The following STRBP variants were observed in gnomAD, a reference collection of about 807,000 sequenced individuals.
STRBP encodes spermatid perinuclear RNA binding protein.
In STRBP, 13 loss-of-function variants were observed where a neutral mutation model predicts 80.1. That is an observed-to-expected ratio of 0.16 (90% CI 0.11 to 0.26). STRBP has a LOEUF of 0.26. Among genes scored for constraint, STRBP ranks in the 10% least tolerant of loss-of-function variants. The probability of loss-of-function intolerance (pLI) is 1.00; values close to 1 mark genes in which losing one functional copy is unlikely to be tolerated. For synonymous variants in STRBP, 284 were observed against 291.2 expected (o/e 0.98, Z 0.25); for missense variants, 485 against 815.2 (o/e 0.59, Z 4.93).
At chr9:123,180,210 A>G (rs778672884) in intron 3 of STRBP, among the ~76,000 whole-genome samples, 3 of 152,190 alleles carry the variant, frequency 2.0e-5, no homozygotes, top group Non-Finnish European at 4.4e-5. Context: ...AGCTACCACT[A>G]TGTCACTGCA....
intron 2 of STRBP, among the ~76,000 whole-genome samples, chr9:123,219,596 T>C (rs761912363): frequency 5.3e-5 from 8 of 152,342 alleles, no homozygotes; most frequent in Non-Finnish European, 1.0e-4. Context: ...GTTATACATA[T>C]AAGAGAAGCT....
Position 123,125,280 on chromosome 9 carries a change from T to G in STRBP, c.*317A>C. The G allele has an allele frequency of 9.6e-7, 1 of 1,036,718 alleles. No individual in the cohort carries two copies. The highest frequency in any genetic ancestry group is 4.2e-5 in the South Asian group (1 of 23,802). The allele number at this position is 1,036,718 out of a possible 1,614,324, so 64.2% of individuals were successfully genotyped here. On this transcript the variant is annotated 3_prime_UTR_variant, in exon 19 of 19. Coordinates refer to ENST00000348403, the MANE Select transcript of STRBP (RefSeq NM_018387.5). ...AGACTCTATACATCCTTCACAAATT[T>G]AATTTTACATAATCTGATACGTCTC...
intron 2 of STRBP, among the ~76,000 whole-genome samples, chr9:123,201,382 T>A (rs998340459): frequency 6.6e-6 from 1 of 152,226 alleles, no homozygotes; most frequent in African/African-American, 2.4e-5. Context: ...TTTTGCTGTA[T>A]CCCAAAGGTT....
At chr9:123,218,042 C>A (rs2039952366) in intron 2 of STRBP, among the ~76,000 whole-genome samples, 1 of 152,170 alleles carries the variant, frequency 6.6e-6, no homozygotes, top group Non-Finnish European at 1.5e-5. Flanking sequence ...TCAAATTAAA[C>A]AATGCCCATA....
chr9:123,254,057 G>GA (rs139900116), intron 1 of STRBP, among the ~76,000 whole-genome samples: 60,060 of 151,866 alleles, frequency 0.4, 14,562 homozygotes, highest in South Asian at 0.55. Flanking sequence ...GAACGAGGGG[G>GA]AAAAAATCTT....
intron 1 of STRBP, among the ~76,000 whole-genome samples, chr9:123,266,853 C>A (rs2041277851): frequency 1.3e-5 from 2 of 151,894 alleles, no homozygotes; most frequent in South Asian, 4.2e-4. Context: ...AGCCTGTCTA[C>A]CTTCCTTCTT....
chr9:123,196,451 G>T (rs1429590343), intron 2 of STRBP, among the ~76,000 whole-genome samples: 2 of 151,892 alleles, frequency 1.3e-5, no homozygotes, highest in African/African-American at 4.8e-5. Context: ...AAGAATGGAA[G>T]AAAATAGTTC....
intron 2 of STRBP, among the ~76,000 whole-genome samples, chr9:123,222,676 A>G (rs2040104519): frequency 1.3e-5 from 2 of 152,232 alleles, no homozygotes; most frequent in African/African-American, 4.8e-5. Flanking sequence ...ACTCTTCCGA[A>G]GGTCACAGTA....
intron 1 of STRBP, among the ~76,000 whole-genome samples, chr9:123,239,815 T>C (rs796438845): frequency 1.3e-5 from 2 of 152,350 alleles, no homozygotes; most frequent in African/African-American, 4.8e-5. Context: ...AATGAGTATC[T>C]GCAAACTAGC....
chr9:123,263,524 CAAAA>C (rs775297049), intron 1 of STRBP, among the ~76,000 whole-genome samples: 5 of 64,220 alleles, frequency 7.8e-5, no homozygotes, highest in Non-Finnish European at 1.7e-4. Flanking sequence ...GACCCTGTCT[CAAAA>C]AAAAAAAAAA....
chr9:123,157,971 A>C, intron 11 of STRBP, 41 bp downstream of exon 11: 1 of 1,380,386 alleles, frequency 7.2e-7, no homozygotes, highest in East Asian at 2.3e-5. Flanking sequence ...TATCTCTACC[A>C]GTGCCAACCC....
At position 123,123,641 on chromosome 9, in the gene STRBP, A is replaced by T. The variant is rs566782424; in HGVS notation, c.*1956T>A. ...TTACAGAGCGCGTGAGTTATGAAGC[A>T]GAGTCAGCTACTTCAAAAGAATTTT... On this transcript the variant is annotated 3_prime_UTR_variant, in exon 19 of 19. Transcript: ENST00000348403. 31 of 985,444 alleles carry T rather than the reference A, an allele frequency of 3.1e-5. No homozygotes were observed. In the African/African-American group the frequency reaches 5.2e-4, roughly 17 times the overall value. The allele number at this position is 985,444 out of a possible 1,614,324, so 61.0% of individuals were successfully genotyped here.
chr9:123,146,838 T>C lies in STRBP; in HGVS notation c.1338+17A>G, dbSNP rs1312637847. 2 of 1,577,480 alleles carry C rather than the reference T, an allele frequency of 1.3e-6. No homozygotes were observed. Among genetic ancestry groups the C allele is most frequent in the Non-Finnish European group, 1.7e-6 (2 of 1,155,584 alleles). ...CATAAAATAAGAAAGCATTGCAAAG[T>C]AAAACAAATACTGTACCTTCACCGC... On this transcript the variant is annotated intron_variant, in intron 13 of 18. Coordinates refer to ENST00000348403, the MANE Select transcript of STRBP (RefSeq NM_018387.5).
At chr9:123,147,655 G>A (rs1272531359) in intron 12 of STRBP, 123 bp downstream of exon 12, 3 of 781,708 alleles carry the variant, frequency 3.8e-6, no homozygotes, top group African/African-American at 3.9e-5. Flanking sequence ...TCCAGTCTCA[G>A]TGACAGAATG....
intron 17 of STRBP, among the ~76,000 whole-genome samples, chr9:123,128,721 C>T (rs1038035336): frequency 8.5e-5 from 13 of 152,202 alleles, no homozygotes; most frequent in African/African-American, 3.1e-4. Context: ...AGTTAGCAAA[C>T]AGAACTTTCC....
intron 3 of STRBP, chr9:123,112,746 G>C (rs983622478): frequency 1.8e-5 from 3 of 167,148 alleles, no homozygotes; most frequent in African/African-American, 7.2e-5. Flanking sequence ...CTCTGGAGAC[G>C]AGAGGCCAGC....
At chr9:123,230,910 TAA>T (rs141125660) in intron 2 of STRBP, among the ~76,000 whole-genome samples, 2,156 of 152,298 alleles carry the variant, frequency 0.014, 52 homozygotes, top group African/African-American at 0.049. Flanking sequence ...CAGGGTATAA[TAA>T]TTGTACCCAA....
At chr9:123,204,239 A>T (rs771867794) in intron 2 of STRBP, among the ~76,000 whole-genome samples, 22 of 152,342 alleles carry the variant, frequency 1.4e-4, no homozygotes, top group Non-Finnish European at 1.8e-4. Context: ...ATTTTTTAAT[A>T]ATCTTTTAAA....
At chr9:123,139,464 C>A in intron 14 of STRBP, 65 bp downstream of exon 14, 1 of 1,286,862 alleles carries the variant, frequency 7.8e-7, no homozygotes. Context: ...TACTTTTCCA[C>A]ATCTCTCAAA....
Sources: allele counts gnomAD v4.1 joint callset (sites outside exome capture counted in the v4.1 genomes callset), GRCh38; gene constraint gnomAD v4.1.1; transcripts MANE v1.5; gene names NCBI Gene and HGNC (gene_info 2026-07-23, HGNC 2026-07-21).